Variants in PAK4 observed in about 807,000 individuals in gnomAD.
PAK4 encodes p21 (RAC1) activated kinase 4, also known as serine/threonine-protein kinase PAK 4.
Under a neutral mutation model 53.5 loss-of-function variants are expected in PAK4, and 49 were observed. The observed-to-expected ratio is 0.92, with a 90% confidence interval of 0.73 to 1.16. The LOEUF (loss-of-function observed/expected upper bound fraction) is 1.16, where lower values mean the gene tolerates loss of function less well. Ranked by LOEUF, PAK4 falls within the 50% of genes most tolerant of loss-of-function variation. The pLI is 0.00. For synonymous variants in PAK4, 376 were observed against 375.6 expected, an observed-to-expected ratio of 1.00 and a Z score of -0.01; for missense variants, 824 against 850.7, an observed-to-expected ratio of 0.97 and a Z score of 0.39.
At chr19:39,167,229 C>T (rs562644785) in intron 1 of PAK4, among the ~76,000 whole-genome samples, 2 of 152,236 alleles carry the variant, frequency 1.3e-5, no homozygotes, top group African/African-American at 2.4e-5. Flanking sequence ...GGGGAGGGAG[C>T]GGGATGGGGC....
In PAK4 at chr19:39,177,663, C is replaced by T. The variant is rs199859447; in HGVS notation, c.1486-12C>T. ...CAACAGCTCAGCCCTGCTGTCCCTT[C>T]TCCCGCCCCAGGTAGACATCTGGTC... is the stretch of plus-strand genomic sequence containing the variant. On this transcript the variant is annotated splice_polypyrimidine_tract_variant and intron_variant, in intron 7 of 8. Transcript: ENST00000358301. The T allele has an allele frequency of 2.4e-5, 39 of 1,609,398 alleles. No homozygotes were observed. Among genetic ancestry groups the T allele is most frequent in the Non-Finnish European group, 3.1e-5 (37 of 1,177,172 alleles).
intron 1 of PAK4, among the ~76,000 whole-genome samples, chr19:39,144,652 T>TCA (rs1321907676): frequency 1.3e-5 from 2 of 152,202 alleles, no homozygotes; most frequent in Non-Finnish European, 2.9e-5. Context: ...GTCCGAGGGC[T>TCA]CAGGGGCCGG....
intron 1 of PAK4, among the ~76,000 whole-genome samples, chr19:39,148,610 C>A (rs1242391593): frequency 6.6e-6 from 1 of 151,256 alleles, no homozygotes; most frequent in Non-Finnish European, 1.5e-5. Context: ...GCGCCCACCA[C>A]CATGCCTGGC....
At chr19:39,127,109 G>A (rs781377699) in intron 1 of PAK4, among the ~76,000 whole-genome samples, 23 of 152,080 alleles carry the variant, frequency 1.5e-4, no homozygotes, top group Non-Finnish European at 3.2e-4. Context: ...TAGGGTGTTT[G>A]TAGGTGGTCT....
At position 39,168,315 on chromosome 19, in the gene PAK4, G is replaced by A. The variant is rs1402719305; in HGVS notation, c.-22-1217G>A. The stretch of plus-strand genomic sequence containing the variant: ...AGCATCAGACCAGGTGTGTGCAGGT[G>A]TGTGCGACTCCAGGGCCCAGGCCCG... On this transcript the variant is annotated intron_variant, in intron 1 of 8. Transcript: ENST00000358301. 1.3e-5 allele frequency: 2 copies of A among 151,826 alleles called. No individual in the cohort carries two copies. The highest frequency in any genetic ancestry group is 2.4e-5 in the African/African-American group (1 of 40,984). The allele number at this position is 151,826 out of a possible 1,614,324, so 9.4% of individuals were successfully genotyped here. A position where few individuals can be genotyped will look rare whatever the true frequency, so the allele number is the denominator to read the frequency against.
In PAK4 at chr19:39,175,233, C is replaced by G; in HGVS notation, c.1233-79C>G. On this transcript the variant is annotated intron_variant, in intron 5 of 8. Transcript: ENST00000358301. This position sits in a 1 kb window ranked among gnomAD's most constrained non-coding sequence, Gnocchi z 4.7. The stretch of plus-strand genomic sequence containing the variant: ...GTCGAGTGGTCTCAGATTCCTCCCA[C>G]TGCAAGGCAGGGCTGCGTCCCCCTC... The G allele has an allele frequency of 4.7e-6, 7 of 1,500,646 alleles. No homozygotes were observed. Among genetic ancestry groups the G allele is most frequent in the Non-Finnish European group, 6.3e-6 (7 of 1,108,184 alleles). The allele number at this position is 1,500,646 out of a possible 1,614,324, so 93.0% of individuals were successfully genotyped here.
chr19:39,133,314 A>G (rs888422357), intron 1 of PAK4, among the ~76,000 whole-genome samples: 1 of 152,248 alleles, frequency 6.6e-6, no homozygotes, highest in Non-Finnish European at 1.5e-5. Context: ...TAATAGCCGT[A>G]TTATTAATAT....
At chr19:39,180,771 G>A (rs1485032868), downstream of PAK4, 1 of 152,180 alleles carries the variant, frequency 6.6e-6, no homozygotes, top group African/African-American at 2.4e-5. Flanking sequence ...GACTTTGAAG[G>A]AGCAGGTAAT....
chr19:39,139,219 C>A (rs1568500447), intron 1 of PAK4, among the ~76,000 whole-genome samples: 1 of 152,200 alleles, frequency 6.6e-6, no homozygotes, highest in African/African-American at 2.4e-5. Context: ...TCTGGGAAGC[C>A]TCCTCGGGCC....
intron 1 of PAK4, among the ~76,000 whole-genome samples, chr19:39,139,952 T>C (rs925711886): frequency 2.0e-5 from 3 of 152,176 alleles, no homozygotes; most frequent in African/African-American, 4.8e-5. Context: ...GCTTCTGACA[T>C]GGAGGGGTTA....
At chr19:39,147,840 G>GTT (rs2074025471) in intron 1 of PAK4, among the ~76,000 whole-genome samples, 1 of 82,834 alleles carries the variant, frequency 1.2e-5, no homozygotes, top group Non-Finnish European at 2.4e-5. Flanking sequence ...TTTGTTTTCG[G>GTT]GTTTTTTTTT....
intron 1 of PAK4, among the ~76,000 whole-genome samples, chr19:39,127,304 T>C (rs2073604755): frequency 6.6e-6 from 1 of 152,006 alleles, no homozygotes; most frequent in Admixed American, 6.5e-5. Context: ...GTTCTCCAAC[T>C]CCAGGCCCAT....
intron 1 of PAK4, chr19:39,167,959 C>G (rs1206163914): frequency 6.6e-6 from 1 of 152,466 alleles, no homozygotes; most frequent in African/African-American, 2.4e-5. Flanking sequence ...TCCCCTCGTC[C>G]CCTGGTCTCA....
chr19:39,174,011 G>C lies in PAK4; in HGVS notation c.1098+1G>C. The C allele has an allele frequency of 6.4e-7, 1 of 1,573,284 alleles. No homozygotes were observed. Reference sequence around the variant, plus strand: ...GAGGCGCGAGCTGCTCTTCAACGAGGTGCGGGCGCTGCTGCCCTGCCGCCC... The same window carrying C: ...GAGGCGCGAGCTGCTCTTCAACGAGCTGCGGGCGCTGCTGCCCTGCCGCCC... On this transcript the variant is annotated splice_donor_variant, in intron 4 of 8. Coordinates refer to ENST00000358301, the Ensembl canonical transcript of PAK4. LOFTEE classifies it high-confidence loss of function.
Position 39,167,625 on chromosome 19 carries a change from C to G in PAK4, c.-22-1907C>G, listed in dbSNP as rs538774837. ...CCCTGGGAGCCTTGGCCAGGCCCGG[C>G]TCTGACCACCCGCTGGCCTCTTGGG... On this transcript the variant is annotated intron_variant, in intron 1 of 8. Coordinates refer to ENST00000358301, the Ensembl canonical transcript of PAK4. Among the ~76,000 whole-genome samples the G allele has an allele frequency of 1.5e-4, 23 of 152,268 alleles. No individual in the cohort carries two copies. The South Asian group carries it at 4.6e-3, about 30-fold the overall frequency.
intron 1 of PAK4, among the ~76,000 whole-genome samples, chr19:39,157,003 C>T (rs1010979811): frequency 8.6e-5 from 13 of 151,988 alleles, no homozygotes; most frequent in Non-Finnish European, 1.5e-4. Context: ...TCCATGTGTG[C>T]GAGATGGCAG....
At chr19:39,143,015 C>T (rs1481782862) in intron 1 of PAK4, among the ~76,000 whole-genome samples, 1 of 152,136 alleles carries the variant, frequency 6.6e-6, no homozygotes, top group Non-Finnish European at 1.5e-5. Context: ...GTGCTGTTCC[C>T]TGGTACTCTG....
chr19:39,162,183 A>G (rs776141856), intron 1 of PAK4, among the ~76,000 whole-genome samples: 16 of 151,526 alleles, frequency 1.1e-4, no homozygotes, highest in Non-Finnish European at 2.2e-4. Flanking sequence ...CTGGTCTCCA[A>G]CTTCTGACCT....
rs933054026 is a variant in PAK4, at chr19:39,177,285, G to A, written c.1486-390G>A. On this transcript the variant is annotated intron_variant, in intron 7 of 8. Transcript: ENST00000358301. ...TATGGGCTCCTCTTTTTCCCTGGGTGTTTTGGGTAAAGTCCCCAGGTTGGC... is the reference window on the plus strand; with the variant it reads ...TATGGGCTCCTCTTTTTCCCTGGGTATTTTGGGTAAAGTCCCCAGGTTGGC... Among the ~76,000 whole-genome samples the A allele has an allele frequency of 4.6e-5, 7 of 152,326 alleles. No homozygotes were observed. In the East Asian group the frequency reaches 1.4e-3, roughly 29 times the overall value.
Sources: allele counts gnomAD v4.1 joint callset (sites outside exome capture counted in the v4.1 genomes callset), GRCh38; gene constraint gnomAD v4.1.1; non-coding constraint Gnocchi (gnomAD v3.1); transcripts MANE v1.5; gene names NCBI Gene and HGNC (gene_info 2026-07-23, HGNC 2026-07-21).